Variants in ITPR1 observed in about 807,000 individuals in gnomAD.
ITPR1 encodes inositol 1,4,5-trisphosphate-gated calcium channel ITPR1.
ITPR1 carries 96 observed loss-of-function variants against 318.4 expected under a neutral mutation model. That is an observed-to-expected ratio of 0.30 (90% confidence interval 0.26 to 0.36). The LOEUF (loss-of-function observed/expected upper bound fraction) is 0.36. Among genes scored for constraint, ITPR1 ranks in the 10% least tolerant of loss-of-function variants. ITPR1 has a pLI of 1.00. For synonymous variants in ITPR1, 1,312 were observed against 1,289.9 expected (o/e 1.02, Z -0.37); for missense variants, 2,440 against 3,460.2 (o/e 0.71, Z 7.40).
At chr3:4,805,908 A>G (rs1435445997) in intron 54 of ITPR1, among the ~76,000 whole-genome samples, 195 bp from the exon 55 acceptor site, 1 of 152,248 alleles carries the variant, frequency 6.6e-6, no homozygotes, top group African/African-American at 2.4e-5. Flanking sequence ...AATTTGTAAT[A>G]TGCCTGAAAA....
chr3:4,719,688 T>C (rs2042009488), intron 40 of ITPR1, among the ~76,000 whole-genome samples: 1 of 152,168 alleles, frequency 6.6e-6, no homozygotes, highest in Admixed American at 6.5e-5. Flanking sequence ...AAAAGTACAA[T>C]GCCTACTGAG....
At chr3:4,713,062 T>C (rs1211783335) in intron 39 of ITPR1, among the ~76,000 whole-genome samples, 1 of 151,890 alleles carries the variant, frequency 6.6e-6, no homozygotes, top group African/African-American at 2.4e-5. Flanking sequence ...ACCTAGTAGA[T>C]CTCTTAAAAA....
chr3:4,810,508 G>T (rs1311034699), intron 55 of ITPR1, among the ~76,000 whole-genome samples: 1 of 152,158 alleles, frequency 6.6e-6, no homozygotes, highest in East Asian at 1.9e-4. Flanking sequence ...ACCTGCAGGG[G>T]TCTTACCCTC....
intron 44 of ITPR1, among the ~76,000 whole-genome samples, chr3:4,766,098 G>C (rs2045799770): frequency 6.6e-6 from 1 of 152,192 alleles, no homozygotes; most frequent in Non-Finnish European, 1.5e-5. Flanking sequence ...TCTTATTCAT[G>C]TGTATATTTT....
At chr3:4,789,093 G>A (rs935155659) in intron 52 of ITPR1, among the ~76,000 whole-genome samples, 7 of 152,068 alleles carry the variant, frequency 4.6e-5, no homozygotes, top group Non-Finnish European at 7.4e-5. Flanking sequence ...AAGAAGGTTC[G>A]CCCAAAGGTC....
intron 37 of ITPR1, among the ~76,000 whole-genome samples, chr3:4,707,384 G>A (rs974717621): frequency 6.6e-6 from 1 of 152,214 alleles, no homozygotes; most frequent in Non-Finnish European, 1.5e-5. Context: ...TGGTTGTCAG[G>A]TGGGACCTCA....
At chr3:4,542,091 T>C (rs1308757797) in intron 4 of ITPR1, among the ~76,000 whole-genome samples, 3 of 152,206 alleles carry the variant, frequency 2.0e-5, no homozygotes, top group African/African-American at 4.8e-5. Flanking sequence ...AAATGTTCTA[T>C]TTGGGACTTC....
intron 4 of ITPR1, among the ~76,000 whole-genome samples, chr3:4,541,510 A>G (rs1467309519): frequency 1.3e-5 from 2 of 151,980 alleles, no homozygotes; most frequent in Admixed American, 1.3e-4. Flanking sequence ...TTTTACTAGT[A>G]TGAATATAGG....
chr3:4,633,552 C>T (rs1485539191), intron 5 of ITPR1, among the ~76,000 whole-genome samples: 1 of 152,172 alleles, frequency 6.6e-6, no homozygotes, highest in Non-Finnish European at 1.5e-5. Context: ...GGATGAGCAA[C>T]ATCAACAGCA....
chr3:4,740,049 T>C (rs1383418844), intron 44 of ITPR1, among the ~76,000 whole-genome samples: 1 of 152,160 alleles, frequency 6.6e-6, no homozygotes, highest in Non-Finnish European at 1.5e-5. Context: ...TCTATCACAT[T>C]CTATTGGTCA....
At chr3:4,625,235 T>C (rs1348733528) in intron 4 of ITPR1, among the ~76,000 whole-genome samples, 3 of 151,180 alleles carry the variant, frequency 2.0e-5, no homozygotes, top group South Asian at 2.1e-4. Context: ...TTTTTTTTTT[T>C]CTGAACAGTC....
chr3:4,840,352 A>G (rs1340114938), intron 61 of ITPR1, among the ~76,000 whole-genome samples: 1 of 152,194 alleles, frequency 6.6e-6, no homozygotes, highest in Non-Finnish European at 1.5e-5. Context: ...TGAATGATTA[A>G]TGACCAAGAA....
In ITPR1 at chr3:4,710,606, G is replaced by C; in HGVS notation, c.4991+133G>C. On this transcript the variant is annotated intron_variant, in intron 38 of 61. Coordinates refer to ENST00000649015, the MANE Select transcript of ITPR1 (RefSeq NM_001378452.1). This position sits in a 1 kb window ranked among gnomAD's most constrained non-coding sequence, Gnocchi z 4.2. Reference sequence around the variant, plus strand: ...ATGCAAGGTCATGTGCTAAAGTCCTGTTCTGACCTCCCCAAAGTAAGTTTG... The same window carrying C: ...ATGCAAGGTCATGTGCTAAAGTCCTCTTCTGACCTCCCCAAAGTAAGTTTG... 1 of 801,836 alleles carries C rather than the reference G, an allele frequency of 1.2e-6. No homozygotes were observed. Among genetic ancestry groups the C allele is most frequent in the Non-Finnish European group, 1.9e-6 (1 of 533,886 alleles). The allele number at this position is 801,836 out of a possible 1,614,324, so 49.7% of individuals were successfully genotyped here.
intron 4 of ITPR1, among the ~76,000 whole-genome samples, chr3:4,624,462 A>G (rs373067972): frequency 3.9e-4 from 59 of 152,268 alleles, no homozygotes; most frequent in African/African-American, 1.3e-3. Flanking sequence ...TGAGGTCAGG[A>G]GTTCGAGACC....
chr3:4,558,854 T>TA (rs2086396905), intron 4 of ITPR1, among the ~76,000 whole-genome samples: 1 of 151,830 alleles, frequency 6.6e-6, no homozygotes, highest in Non-Finnish European at 1.5e-5. Context: ...GCTGGTATCT[T>TA]AAAAAATTCA....
At chr3:4,570,884 C>G (rs1217883425) in intron 4 of ITPR1, among the ~76,000 whole-genome samples, 2 of 152,218 alleles carry the variant, frequency 1.3e-5, no homozygotes, top group African/African-American at 4.8e-5. Context: ...GCAGACACAA[C>G]AAGAAGTGCT....
chr3:4,670,702 C>G, intron 19 of ITPR1, 27 bp from the exon 20 acceptor site: 1 of 1,481,480 alleles, frequency 6.8e-7, no homozygotes, highest in Non-Finnish European at 9.3e-7. Flanking sequence ...AAAATAGTAA[C>G]TTTTCCCTCC....
At chr3:4,800,990 C>T (rs554255137) in intron 54 of ITPR1, among the ~76,000 whole-genome samples, 2 of 152,180 alleles carry the variant, frequency 1.3e-5, no homozygotes, top group South Asian at 2.1e-4. Flanking sequence ...CTGGAAAGGG[C>T]CACATAGAAA....
At chr3:4,537,156 G>T (rs112932646) in intron 4 of ITPR1, among the ~76,000 whole-genome samples, 38 of 152,330 alleles carry the variant, frequency 2.5e-4, no homozygotes, top group African/African-American at 8.2e-4. Flanking sequence ...CACTGAAAAT[G>T]AGTTGTGGAG....
Sources: gnomAD v4.1 joint callset for allele counts (sites outside exome capture counted in the v4.1 genomes callset) on GRCh38, gnomAD v4.1.1 for gene constraint, Gnocchi (gnomAD v3.1) non-coding constraint, MANE v1.5 for transcripts, NCBI Gene and HGNC (gene_info 2026-07-23, HGNC 2026-07-21) for gene names.